DPP10: variants seen among roughly 807,000 people sequenced by gnomAD.
The protein encoded by DPP10 is dipeptidyl peptidase like 10, also known as inactive dipeptidyl peptidase 10.
Under a neutral mutation model 120.9 loss-of-function variants are expected in DPP10, and 33 were observed. That is an observed-to-expected ratio of 0.27 (90% CI 0.21 to 0.37). The LOEUF (loss-of-function observed/expected upper bound fraction) is 0.37, where lower values mean the gene tolerates loss of function less well. DPP10 is among the 10% of genes least tolerant of loss of function. DPP10 has a pLI of 1.00. For synonymous variants in DPP10, 337 were observed against 326.1 expected, an observed-to-expected ratio of 1.03 and a Z score of -0.36; for missense variants, 816 against 942.8, an observed-to-expected ratio of 0.87 and a Z score of 1.76.
At chr2:115,379,937 T>C (rs1012853218) in intron 3 of DPP10, among the ~76,000 whole-genome samples, 1 of 152,228 alleles carries the variant, frequency 6.6e-6, no homozygotes, top group Non-Finnish European at 1.5e-5. Flanking sequence ...ATAATTTCTG[T>C]TCTTTTACAT....
chr2:114,643,260 A>G (rs1422283304), intron 1 of DPP10, among the ~76,000 whole-genome samples: 9 of 151,864 alleles, frequency 5.9e-5, no homozygotes. Flanking sequence ...AAACTTCTTG[A>G]TGACAGCCAG....
At chr2:114,883,728 C>T (rs956755728) in intron 1 of DPP10, among the ~76,000 whole-genome samples, 1 of 152,156 alleles carries the variant, frequency 6.6e-6, no homozygotes, top group African/African-American at 2.4e-5. Flanking sequence ...TAAGATGTGA[C>T]AAAAGCCAAC....
At chr2:115,023,980 T>A (rs865779189) in intron 1 of DPP10, among the ~76,000 whole-genome samples, 3 of 152,058 alleles carry the variant, frequency 2.0e-5, no homozygotes, top group Non-Finnish European at 4.4e-5. Flanking sequence ...GGGATAAGAC[T>A]AATACATCAG....
intron 1 of DPP10, among the ~76,000 whole-genome samples, chr2:114,445,534 CTGTGTGTGTGTGTG>C (rs145248880): frequency 0.019 from 2,767 of 143,610 alleles, 76 homozygotes; most frequent in African/African-American, 0.063. Context: ...AAAAACAGCT[CTGTGTGTGTGTGTG>C]TGTGTGTGTG....
intron 1 of DPP10, among the ~76,000 whole-genome samples, chr2:114,715,112 ATCTT>A (rs1404124545): frequency 1.3e-5 from 2 of 152,296 alleles, no homozygotes; most frequent in East Asian, 1.9e-4. Flanking sequence ...AGGACCATAA[ATCTT>A]TCTGTTATCT....
intron 1 of DPP10, among the ~76,000 whole-genome samples, chr2:115,078,234 A>G (rs1228049732): frequency 6.6e-6 from 1 of 152,248 alleles, no homozygotes; most frequent in East Asian, 1.9e-4. Context: ...GTGACATTCA[A>G]ATGAACACCA....
At chr2:114,852,423 C>T (rs1689025615) in intron 1 of DPP10, among the ~76,000 whole-genome samples, 1 of 151,912 alleles carries the variant, frequency 6.6e-6, no homozygotes, top group African/African-American at 2.4e-5. Flanking sequence ...TGCATCTGTA[C>T]TAAACATATA....
intron 3 of DPP10, among the ~76,000 whole-genome samples, chr2:115,362,334 T>C (rs1011857105): frequency 2.6e-5 from 4 of 152,200 alleles, no homozygotes; most frequent in Non-Finnish European, 5.9e-5. Context: ...TTATTATATC[T>C]AATGTTTATA....
chr2:115,492,995 G>A (rs765855536), intron 3 of DPP10, among the ~76,000 whole-genome samples: 2 of 152,046 alleles, frequency 1.3e-5, no homozygotes, highest in South Asian at 2.1e-4. Flanking sequence ...AAATCTGAGT[G>A]GGAGTGAAGT....
rs935147799 is a variant in DPP10, at chr2:114,732,342, G to A, written c.60+289504G>A. ...TGTGGATGCCAGCGCATAAGAGGGA[G>A]AGTGGTCCTTAATTTTGAGGTCAGA... On this transcript the variant is annotated intron_variant, in intron 1 of 25. Coordinates refer to ENST00000410059, the MANE Select transcript of DPP10 (RefSeq NM_020868.6). Among the ~76,000 whole-genome samples, 5 of 152,268 alleles carry A rather than the reference G, an allele frequency of 3.3e-5. 1 individual carries two copies. The Middle Eastern group carries it at 0.017, about 518-fold the overall frequency.
chr2:114,835,383 T>G (rs1276860162), intron 1 of DPP10: 10 of 149,198 alleles, frequency 6.7e-5, no homozygotes, highest in African/African-American at 1.5e-4. Context: ...ACACACCTAT[T>G]TATATATAAG....
At chr2:115,832,829 T>C (rs1002381113) in intron 21 of DPP10, among the ~76,000 whole-genome samples, 2 of 152,018 alleles carry the variant, frequency 1.3e-5, no homozygotes, top group African/African-American at 4.8e-5. Flanking sequence ...GCTTCACTCA[T>C]CTAGGGAACA....
chr2:115,383,994 T>C (rs1337450557), intron 3 of DPP10, among the ~76,000 whole-genome samples: 1 of 152,160 alleles, frequency 6.6e-6, no homozygotes, highest in African/African-American at 2.4e-5. Flanking sequence ...CAAACCTAAT[T>C]AGAATACTGC....
chr2:114,556,751 G>A (rs1688346370), intron 1 of DPP10, among the ~76,000 whole-genome samples: 1 of 152,122 alleles, frequency 6.6e-6, no homozygotes, highest in Non-Finnish European at 1.5e-5. Flanking sequence ...AGATGATGGA[G>A]TCCCAGCAAA....
rs1331758782 is a variant in DPP10, at chr2:115,279,625, T to TTTTCTTTC, written c.61-29602_61-29595dup. Among the ~76,000 whole-genome samples, 309 of 150,822 alleles carry TTTTCTTTC rather than the reference T, an allele frequency of 2.0e-3. 2 individuals are homozygous for TTTTCTTTC. Among genetic ancestry groups the TTTTCTTTC allele is most frequent in the African/African-American group, 6.8e-3 (281 of 41,088 alleles). On this transcript the variant is annotated intron_variant, in intron 1 of 25. Transcript: ENST00000410059. Reference sequence around the variant, plus strand: ...ATTTTTCTTTTTTTTCTTTTATCTTTTTTCTTTCTTTCTTTCTTTTTTTCT... The same window carrying TTTTCTTTC: ...ATTTTTCTTTTTTTTCTTTTATCTTTTTTCTTTCTTTCTTTCTTTCTTTCTTTTTTTCT...
At chr2:115,713,826 A>G (rs1207444557) in intron 7 of DPP10, among the ~76,000 whole-genome samples, 1 of 152,098 alleles carries the variant, frequency 6.6e-6, no homozygotes, top group Non-Finnish European at 1.5e-5. Context: ...AGAGACTTTT[A>G]TGAAAGTTAG....
intron 1 of DPP10, among the ~76,000 whole-genome samples, chr2:114,845,075 G>A (rs1409258597): frequency 6.6e-6 from 1 of 152,084 alleles, no homozygotes; most frequent in African/African-American, 2.4e-5. Context: ...TGATTCCAAC[G>A]CTAGCGCCCT....
chr2:114,811,549 A>C (rs1259565658), intron 1 of DPP10, among the ~76,000 whole-genome samples: 3 of 151,500 alleles, frequency 2.0e-5, no homozygotes. Context: ...TTCCAATTCC[A>C]ACTCCACTCT....
chr2:115,613,850 C>T (rs1427201140), intron 5 of DPP10, among the ~76,000 whole-genome samples: 6 of 152,122 alleles, frequency 3.9e-5, no homozygotes, highest in East Asian at 1.9e-4. Flanking sequence ...AATAAAGGAT[C>T]CTTTGGGAAG....
Sources: gnomAD v4.1 joint callset for allele counts (sites outside exome capture counted in the v4.1 genomes callset) on GRCh38, gnomAD v4.1.1 for gene constraint, MANE v1.5 for transcripts, NCBI Gene and HGNC (gene_info 2026-07-23, HGNC 2026-07-21) for gene names.